Variants in C20orf203 observed in about 807,000 individuals in gnomAD.
C20orf203 encodes uncharacterized protein C20orf203.
In C20orf203, 16 loss-of-function variants were observed where a neutral mutation model predicts 15.9. The observed-to-expected ratio is 1.01, with a 90% CI of 0.68 to 1.53. C20orf203 has a LOEUF of 1.53. Among genes scored for constraint, C20orf203 ranks in the 40% most tolerant of loss-of-function variants. The probability of loss-of-function intolerance (pLI) is 0.00; values close to 1 mark genes in which losing one functional copy is unlikely to be tolerated. For missense variants in C20orf203, 263 were observed against 247.5 expected, an observed-to-expected ratio of 1.06 and a Z score of -0.42; for synonymous variants, 98 against 97.2, an observed-to-expected ratio of 1.01 and a Z score of -0.05.
At chr20:32,663,554 T>C (rs2145680467) in intron 1 of C20orf203, among the ~76,000 whole-genome samples, 1 of 152,314 alleles carries the variant, frequency 6.6e-6, no homozygotes, top group Middle Eastern at 3.4e-3. Flanking sequence ...CATAGTTACC[T>C]CCGGGGAGTG....
chr20:32,656,290 G>T (rs1281328128), intron 1 of C20orf203, among the ~76,000 whole-genome samples: 1 of 152,192 alleles, frequency 6.6e-6, no homozygotes, highest in African/African-American at 2.4e-5. Context: ...CACATGAAAA[G>T]ATACTCAACA....
At position 32,651,000 on chromosome 20, in the gene C20orf203, A is replaced by T; in HGVS notation, c.135+18T>A. ...CAGTGTCAGCCCAGGTGTGGGAGACAGGGACAGCACTTCTTACCCGGCTCA... is the reference window on the plus strand; with the variant it reads ...CAGTGTCAGCCCAGGTGTGGGAGACTGGGACAGCACTTCTTACCCGGCTCA... On this transcript the variant is annotated intron_variant, in intron 3 of 5. Transcript: ENST00000608990. The T allele has an allele frequency of 6.8e-7, 1 of 1,469,224 alleles. No individual in the cohort carries two copies. Among genetic ancestry groups the T allele is most frequent in the Non-Finnish European group, 9.0e-7 (1 of 1,105,358 alleles). The allele number at this position is 1,469,224 out of a possible 1,614,324, so 91.0% of individuals were successfully genotyped here.
chr20:32,666,806 T>C lies in C20orf203; in HGVS notation c.-264+6826A>G, dbSNP rs1374337377. Among the ~76,000 whole-genome samples the C allele has an allele frequency of 3.1e-5, 3 of 97,982 alleles. 1 individual carries two copies. Among genetic ancestry groups the C allele is most frequent in the Admixed American group, 1.9e-4 (2 of 10,542 alleles). The allele number at this position is 97,982 out of a possible 152,430, so 64.3% of individuals were successfully genotyped here. The stretch of plus-strand genomic sequence containing the variant: ...TGAAATTAATTTTAATTTATATATA[T>C]ATATATATATATATATATAGTTTTG... On this transcript the variant is annotated intron_variant, in intron 1 of 5. Transcript: ENST00000608990.
At chr20:32,639,952 G>A (rs761489748) in intron 5 of C20orf203, among the ~76,000 whole-genome samples, 82 of 152,202 alleles carry the variant, frequency 5.4e-4, no homozygotes, top group Non-Finnish European at 9.0e-4. Context: ...TGTGCCGTTC[G>A]TGGGCGGCCT....
At chr20:32,641,881 A>C (rs1011821069) in intron 4 of C20orf203, among the ~76,000 whole-genome samples, 1 of 152,138 alleles carries the variant, frequency 6.6e-6, no homozygotes, top group African/African-American at 2.4e-5. Flanking sequence ...TCTGTTGCCC[A>C]GGCAGGAGTG....
intron 1 of C20orf203, among the ~76,000 whole-genome samples, chr20:32,661,866 C>T (rs764093752): frequency 4.6e-5 from 7 of 152,184 alleles, no homozygotes; most frequent in Non-Finnish European, 8.8e-5. Context: ...CACCTGTGCT[C>T]CCCACAGACA....
rs761370020 is a variant in C20orf203 at position 32,650,400 on chromosome 20, C to G, written c.*32G>C. 49 of 1,495,652 alleles carry G rather than the reference C, an allele frequency of 3.3e-5. 1 individual carries two copies. The South Asian group carries it at 5.3e-4, about 16-fold the overall frequency. The allele number at this position is 1,495,652 out of a possible 1,614,324, so 92.6% of individuals were successfully genotyped here. A position where few individuals can be genotyped will look rare whatever the true frequency, so the allele number is the denominator to read the frequency against. On this transcript the variant is annotated 3_prime_UTR_variant, in exon 4 of 6. Coordinates refer to ENST00000608990, the MANE Select transcript of C20orf203 (RefSeq NM_182584.4). ...TGGTGGCCTTGGTAGGACAGGCAGG[C>G]AGAGCTGGGGGTGGGGGCGCCCTGG...
At chr20:32,643,738 A>G (rs1198609186) in intron 4 of C20orf203, among the ~76,000 whole-genome samples, 4 of 151,770 alleles carry the variant, frequency 2.6e-5, no homozygotes, top group African/African-American at 9.7e-5. Context: ...TCTCAAATTT[A>G]TTTGACGATG....
intron 1 of C20orf203, among the ~76,000 whole-genome samples, chr20:32,652,682 C>T (rs935700402): frequency 3.9e-5 from 6 of 152,064 alleles, no homozygotes; most frequent in Admixed American, 1.3e-4. Context: ...AATACATTCA[C>T]GTCCACAAAA....
intron 4 of C20orf203, among the ~76,000 whole-genome samples, chr20:32,643,712 G>T (rs1982349124): frequency 2.0e-5 from 3 of 151,858 alleles, no homozygotes; most frequent in African/African-American, 7.3e-5. Flanking sequence ...AGAGCTCTGT[G>T]GATGTTTGCG....
Position 32,650,401 on chromosome 20 carries a change from A to G in C20orf203, c.*31T>C. 1.3e-6 allele frequency: 2 copies of G among 1,499,442 alleles called. No homozygotes were observed. Among genetic ancestry groups the G allele is most frequent in the Non-Finnish European group, 1.8e-6 (2 of 1,105,720 alleles). The allele number at this position is 1,499,442 out of a possible 1,614,324, so 92.9% of individuals were successfully genotyped here. A position where few individuals can be genotyped will look rare whatever the true frequency, so the allele number is the denominator to read the frequency against. On this transcript the variant is annotated 3_prime_UTR_variant, in exon 4 of 6. Transcript: ENST00000608990. ...GGTGGCCTTGGTAGGACAGGCAGGC[A>G]GAGCTGGGGGTGGGGGCGCCCTGGG... is the stretch of plus-strand genomic sequence containing the variant.
chr20:32,652,298 G>A (rs886179212), intron 1 of C20orf203, among the ~76,000 whole-genome samples: 2 of 142,868 alleles, frequency 1.4e-5, no homozygotes, highest in African/African-American at 5.3e-5. Context: ...ACTTCAGCCT[G>A]GGCGACAGAG....
chr20:32,648,123 C>A (rs1211189892), intron 4 of C20orf203, among the ~76,000 whole-genome samples: 1 of 152,212 alleles, frequency 6.6e-6, no homozygotes, highest in Admixed American at 6.5e-5. Context: ...GGGTATCACA[C>A]CCGGGTCTAG....
At chr20:32,662,429 C>A (rs1982913114) in intron 1 of C20orf203, among the ~76,000 whole-genome samples, 1 of 152,082 alleles carries the variant, frequency 6.6e-6, no homozygotes, top group Non-Finnish European at 1.5e-5. Flanking sequence ...TGGTGAAATC[C>A]TGTCTCTATT....
intron 4 of C20orf203, among the ~76,000 whole-genome samples, chr20:32,646,873 G>C (rs1982446887): frequency 6.6e-6 from 1 of 152,204 alleles, no homozygotes; most frequent in South Asian, 2.1e-4. Flanking sequence ...CCTACCACTT[G>C]CTTGGCTCAT....
chr20:32,654,483 A>G (rs1340634181), intron 1 of C20orf203, among the ~76,000 whole-genome samples: 1 of 152,220 alleles, frequency 6.6e-6, no homozygotes, highest in Non-Finnish European at 1.5e-5. Context: ...ACAGAAATTG[A>G]CAAGCTGATC....
chr20:32,634,448 A>C (rs1223118484), intron 5 of C20orf203, among the ~76,000 whole-genome samples, 178 bp from the exon 6 acceptor site: 1 of 151,966 alleles, frequency 6.6e-6, no homozygotes, highest in Non-Finnish European at 1.5e-5. Context: ...GAAGCCCAGC[A>C]CCCTCCCGAG....
At chr20:32,646,175 ATTTTT>A (rs555458436) in intron 4 of C20orf203, among the ~76,000 whole-genome samples, 3 of 105,884 alleles carry the variant, frequency 2.8e-5, no homozygotes, top group Non-Finnish European at 3.9e-5. Context: ...CTTGATCCCA[ATTTTT>A]TTTTTTTTTT....
intron 1 of C20orf203, among the ~76,000 whole-genome samples, chr20:32,669,733 G>A (rs6058798): frequency 7.9e-5 from 12 of 152,264 alleles, no homozygotes; most frequent in African/African-American, 2.4e-4. Flanking sequence ...AAGTTTCATA[G>A]CACTGGCCTT....
Sources: gnomAD v4.1 joint callset for allele counts (sites outside exome capture counted in the v4.1 genomes callset) on GRCh38, gnomAD v4.1.1 for gene constraint, MANE v1.5 for transcripts, NCBI Gene and HGNC (gene_info 2026-07-23, HGNC 2026-07-21) for gene names.